The following UPP1 variants were observed in gnomAD, a reference collection of about 807,000 sequenced individuals.
The protein encoded by UPP1 is UPase 1.
In UPP1, 25 loss-of-function variants were observed where a neutral mutation model predicts 29.6. That is an observed-to-expected ratio of 0.85 (90% CI 0.62 to 1.18). UPP1 has a LOEUF of 1.18. Among genes scored for constraint, UPP1 ranks in the 50% most tolerant of loss-of-function variants. The pLI is 0.00. For missense variants in UPP1, 368 were observed against 410.4 expected (o/e 0.90, Z 0.89); for synonymous variants, 165 against 159.8 (o/e 1.03, Z -0.25).
At chr7:48,098,099 G>A (rs962828830) in intron 3 of UPP1, among the ~76,000 whole-genome samples, 3 of 152,124 alleles carry the variant, frequency 2.0e-5, no homozygotes, top group African/African-American at 7.2e-5. Context: ...GTCCCTGCCT[G>A]CCCATACAGG....
At position 48,107,425 on chromosome 7, in the gene UPP1, G is replaced by T; in HGVS notation, c.711G>T (p.Glu237Asp). 1 of 1,614,218 alleles carries T rather than the reference G, an allele frequency of 6.2e-7. No individual in the cohort carries two copies. The highest frequency in any genetic ancestry group is 8.5e-7 in the Non-Finnish European group (1 of 1,180,032). ...YTEKDKQAYL[E>D]AAYAAGVRNI... ...AGAAGGACAAGCAGGCGTATCTGGA[G>T]GCAGCCTATGCAGCCGGCGTCCGCA... The change falls in exon 8 of 9, where the codon GAG (glutamate) becomes GAT (aspartate). Residue 237 changes from glutamate to aspartate, a missense_variant. Coordinates refer to ENST00000395564, the MANE Select transcript of UPP1 (RefSeq NM_003364.4).
At chr7:48,108,040 T>C (rs1490865318) in intron 8 of UPP1, among the ~76,000 whole-genome samples, 178 bp from the exon 9 acceptor site, 1 of 152,144 alleles carries the variant, frequency 6.6e-6, no homozygotes, top group Non-Finnish European at 1.5e-5. Context: ...TCCGAGCCCC[T>C]GGACCAGCGC....
Position 48,107,397 on chromosome 7 carries a change from C to G in UPP1, c.683C>G (p.Thr228Arg), listed in dbSNP as rs116578494. Reference sequence around the variant, plus strand: ...CTGGATGGGGCTCTCTGCTCCTACACGGAGAAGGACAAGCAGGCGTATCTG... The same window carrying G: ...CTGGATGGGGCTCTCTGCTCCTACAGGGAGAAGGACAAGCAGGCGTATCTG... Reference protein sequence around the residue: ...GRLDGALCSYTEKDKQAYLEA... With the variant: ...GRLDGALCSYREKDKQAYLEA... Residue 228 changes from threonine to arginine, a missense_variant, in exon 8 of 9, where the codon ACG becomes AGG. Coordinates refer to ENST00000395564, the MANE Select transcript of UPP1 (RefSeq NM_003364.4). 6.2e-7 allele frequency: 1 copy of G among 1,613,940 alleles called. No individual in the cohort carries two copies. The highest frequency in any genetic ancestry group is 1.7e-5 in the Admixed American group (1 of 59,998).
intron 6 of UPP1, chr7:48,103,757 C>T (rs1323708469): frequency 1.3e-5 from 17 of 1,293,644 alleles, no homozygotes; most frequent in Non-Finnish European, 1.6e-5. Flanking sequence ...CCTTTGCTTA[C>T]TTTTCCTCCT....
chr7:48,107,557 C>T, intron 8 of UPP1, 50 bp downstream of exon 8: 1 of 1,554,616 alleles, frequency 6.4e-7, no homozygotes, highest in Middle Eastern at 2.0e-4. Flanking sequence ...TTCACTTCTG[C>T]TCTCCTGGAG....
chr7:48,108,254 A>G lies in UPP1; in HGVS notation c.830A>G (p.Glu277Gly). 1 of 1,613,826 alleles carries G rather than the reference A, an allele frequency of 6.2e-7. No homozygotes were observed. Among genetic ancestry groups the G allele is most frequent in the Non-Finnish European group, 8.5e-7 (1 of 1,180,018 alleles). The change falls in exon 9 of 9, where the codon GAA (glutamate) becomes GGA (glycine). Residue 277 changes from glutamate (E) to glycine (G), a missense_variant. Glu to Gly is a moderately conservative substitution (Grantham distance 98, BLOSUM62 -2). Coordinates refer to ENST00000395564, the MANE Select transcript of UPP1 (RefSeq NM_003364.4). The part of the protein sequence containing the change: ...VVCVTLLNRL[E>G]GDQISSPRNV... Reference sequence around the variant, plus strand: ...TGTGTCACCCTCCTGAACCGCCTGGAAGGGGACCAGATCAGCAGCCCTCGC... The same window carrying G: ...TGTGTCACCCTCCTGAACCGCCTGGGAGGGGACCAGATCAGCAGCCCTCGC...
intron 6 of UPP1, 30 bp downstream of exon 6, chr7:48,103,441 G>C: frequency 6.4e-7 from 1 of 1,571,436 alleles, no homozygotes; most frequent in Non-Finnish European, 8.8e-7. Context: ...CTCTTGCCCT[G>C]TGAATGGATG....
chr7:48,104,173 G>A (rs552083030), intron 6 of UPP1, among the ~76,000 whole-genome samples: 3 of 152,120 alleles, frequency 2.0e-5, no homozygotes, highest in Admixed American at 6.5e-5. Flanking sequence ...AGCCAACATC[G>A]CGCCACTGCA....
At chr7:48,098,445 T>C (rs1373727081) in intron 3 of UPP1, among the ~76,000 whole-genome samples, 1 of 152,164 alleles carries the variant, frequency 6.6e-6, no homozygotes, top group Non-Finnish European at 1.5e-5. Flanking sequence ...GATTCAGAGA[T>C]ATATAAGACG....
At chr7:48,100,593 TCTTAACGTAGGA>T (rs1792367936) in intron 4 of UPP1, among the ~76,000 whole-genome samples, 1 of 152,246 alleles carries the variant, frequency 6.6e-6, no homozygotes, top group Non-Finnish European at 1.5e-5. Flanking sequence ...TTCTGATTTA[TCTTAACGTAGGA>T]CTTTGAAATG....
chr7:48,100,408 A>G (rs185635941), intron 4 of UPP1, among the ~76,000 whole-genome samples: 228 of 152,358 alleles, frequency 1.5e-3, no homozygotes, highest in African/African-American at 4.9e-3. Flanking sequence ...CATTGAGAGA[A>G]GAGAAAGATG....
chr7:48,108,345 G>A lies in UPP1; in HGVS notation c.921G>A (p.Leu307=), dbSNP rs752943352. 1.2e-6 allele frequency: 2 copies of A among 1,613,812 alleles called. No individual in the cohort carries two copies. The highest frequency in any genetic ancestry group is 2.2e-5 in the South Asian group (2 of 91,050). The change falls in exon 9 of 9, where the codon CTG becomes CTA. Residue 307 remains leucine, a synonymous_variant. Transcript: ENST00000395564. The stretch of plus-strand genomic sequence containing the variant: ...TGAGCTACTTCATCAAGAAGAAACT[G>A]AGCAAGGCCTGAGCGCTGCCCTGCA... The part of the protein sequence containing the change: ...RLVSYFIKKK[L]SKA
Position 48,096,416 on chromosome 7 carries a change from G to A in UPP1, c.44+1589G>A, listed in dbSNP as rs1182248463. On this transcript the variant is annotated intron_variant, in intron 3 of 8. Transcript: ENST00000395564. Reference sequence around the variant, plus strand: ...ACTTCATTTCTACCCCAAGTCGAAAGCCTTCCATGAGTGGAACTGGATCTT... The same window carrying A: ...ACTTCATTTCTACCCCAAGTCGAAAACCTTCCATGAGTGGAACTGGATCTT... 2.6e-5 allele frequency among the ~76,000 whole-genome samples: 4 copies of A among 152,148 alleles called. No homozygotes were observed. The East Asian group carries it at 5.8e-4, about 22-fold the overall frequency.
rs1428004035 is a variant in UPP1 at position 48,106,771 on chromosome 7, CTTCT to C, written c.437-96_437-93del. 14 of 1,056,314 alleles carry C rather than the reference CTTCT, an allele frequency of 1.3e-5. No individual in the cohort carries two copies. In the African/African-American group the frequency reaches 1.7e-4, roughly 13 times the overall value. 65.4% of individuals were successfully genotyped at this position (1,056,314 alleles called of 1,614,324 possible). ...GTGTTTGGATGTGTGGGTGGATCTG[CTTCT>C]TTCTTCCATATGCTCTGCTGTGTGC... On this transcript the variant is annotated intron_variant, in intron 6 of 8. Transcript: ENST00000395564.
intron 6 of UPP1, 35 bp downstream of exon 6, chr7:48,103,446 T>C: frequency 6.4e-7 from 1 of 1,558,902 alleles, no homozygotes; most frequent in South Asian, 1.1e-5. Flanking sequence ...GCCCTGTGAA[T>C]GGATGAGGGA....
intron 3 of UPP1, among the ~76,000 whole-genome samples, chr7:48,095,454 T>TG (rs1179849470): frequency 6.6e-6 from 1 of 152,164 alleles, no homozygotes; most frequent in Non-Finnish European, 1.5e-5. Context: ...TGGTGACCTC[T>TG]GGCCCCCCTT....
chr7:48,099,137 T>A (rs182533360), intron 3 of UPP1, among the ~76,000 whole-genome samples: 1 of 152,312 alleles, frequency 6.6e-6, no homozygotes, highest in East Asian at 1.9e-4. Context: ...ATGTCTTATC[T>A]TGTCACTCCT....
chr7:48,103,948 G>T (rs962361663), intron 6 of UPP1: 10 of 1,251,754 alleles, frequency 8.0e-6, no homozygotes, highest in Non-Finnish European at 7.2e-6. Flanking sequence ...GGCCGGGCGC[G>T]GTGGCTCACA....
intron 3 of UPP1, among the ~76,000 whole-genome samples, chr7:48,098,297 T>G (rs1332992316): frequency 6.6e-6 from 1 of 152,206 alleles, no homozygotes; most frequent in Non-Finnish European, 1.5e-5. Context: ...CAGTCAGGTA[T>G]AGGCCATCTG....
Sources: gnomAD v4.1 joint callset for allele counts (sites outside exome capture counted in the v4.1 genomes callset) on GRCh38, gnomAD v4.1.1 for gene constraint, MANE v1.5 for transcripts, NCBI Gene and HGNC (gene_info 2026-07-23, HGNC 2026-07-21) for gene names.